Variants in ARHGEF10L observed in about 807,000 individuals in gnomAD.
ARHGEF10L encodes rho guanine nucleotide exchange factor 10-like protein.
ARHGEF10L carries 69 observed loss-of-function variants against 141.2 expected under a neutral mutation model. The observed-to-expected ratio is 0.49, with a 90% CI of 0.40 to 0.60. The LOEUF (loss-of-function observed/expected upper bound fraction) is 0.60. ARHGEF10L is among the 20% of genes least tolerant of loss of function. The pLI is 0.00. For synonymous variants in ARHGEF10L, 711 were observed against 718.5 expected (o/e 0.99, Z 0.17); for missense variants, 1,482 against 1,734.3 (o/e 0.85, Z 2.58).
intron 1 of ARHGEF10L, among the ~76,000 whole-genome samples, chr1:17,553,570 C>T (rs183039256): frequency 2.3e-3 from 353 of 152,036 alleles, no homozygotes; most frequent in African/African-American, 8.2e-3. Context: ...TCGCTTGAGC[C>T]CTGGAGTTCA....
chr1:17,521,728 C>T, the ARHGEF10L span, among the ~76,000 whole-genome samples: 1 of 152,130 alleles, frequency 6.6e-6, no homozygotes, highest in African/African-American at 2.4e-5. Flanking sequence ...GAGCTTTGAA[C>T]CCAGGGAGTG....
chr1:17,527,310 G>A, the ARHGEF10L span, among the ~76,000 whole-genome samples: 1 of 152,214 alleles, frequency 6.6e-6, no homozygotes, highest in South Asian at 2.1e-4. Context: ...TTGTAGGTCA[G>A]CATGAGATCT....
rs2060206093 is a variant in ARHGEF10L at position 17,623,324 on chromosome 1, A to G, written c.1200+149A>G. ...AGGGTGGCAGGGTCTTCTGGGCCTG[A>G]TCTAGGGGTGAGTGTGACACCTTGA... On this transcript the variant is annotated intron_variant, in intron 12 of 28. Coordinates refer to ENST00000361221, the MANE Select transcript of ARHGEF10L (RefSeq NM_018125.4). The surrounding 1 kb of genome is among the most constrained non-coding windows in gnomAD (Gnocchi z 4.7). 1 of 949,170 alleles carries G rather than the reference A, an allele frequency of 1.1e-6. No individual in the cohort carries two copies. Among genetic ancestry groups the G allele is most frequent in the Non-Finnish European group, 1.5e-6 (1 of 645,748 alleles). 58.8% of individuals were successfully genotyped at this position (949,170 alleles called of 1,614,324 possible).
intron 27 of ARHGEF10L, chr1:17,694,648 C>T (rs538091633): frequency 6.5e-5 from 21 of 325,072 alleles, no homozygotes; most frequent in South Asian, 2.8e-4. Flanking sequence ...AGCACCCACA[C>T]GGGCAGGCCC....
chr1:17,557,582 AAGC>A (rs2100793100), intron 1 of ARHGEF10L, among the ~76,000 whole-genome samples: 1 of 152,198 alleles, frequency 6.6e-6, no homozygotes, highest in East Asian at 1.9e-4. Context: ...AGAGATTCTG[AAGC>A]AGCAGATCTC....
At position 17,687,763 on chromosome 1, in the gene ARHGEF10L, G is replaced by T; in HGVS notation, c.3184+16G>T. 6.4e-7 allele frequency: 1 copy of T among 1,559,468 alleles called. No homozygotes were observed. The highest frequency in any genetic ancestry group is 8.7e-7 in the Non-Finnish European group (1 of 1,150,954). Reference sequence around the variant, plus strand: ...CTCCTGCCAGGTGAGGCTGCCTCGGGCACGGGGGAGCGGACAGTCACAGAG... The same window carrying T: ...CTCCTGCCAGGTGAGGCTGCCTCGGTCACGGGGGAGCGGACAGTCACAGAG... On this transcript the variant is annotated intron_variant, in intron 27 of 28. Coordinates refer to ENST00000361221, the MANE Select transcript of ARHGEF10L (RefSeq NM_018125.4).
intron 7 of ARHGEF10L, among the ~76,000 whole-genome samples, chr1:17,609,747 G>A (rs1570882224): frequency 6.6e-6 from 1 of 152,166 alleles, no homozygotes; most frequent in African/African-American, 2.4e-5. Context: ...AGTTGGAGCT[G>A]GGCTTAGGAG....
intron 8 of ARHGEF10L, among the ~76,000 whole-genome samples, chr1:17,614,102 G>T (rs1211012472): frequency 6.6e-6 from 1 of 152,230 alleles, no homozygotes; most frequent in Non-Finnish European, 1.5e-5. Context: ...CCACAGCAGT[G>T]GTTCACGACA....
rs1324237901 is a variant in ARHGEF10L at position 17,623,335 on chromosome 1, A to G, written c.1200+160A>G. On this transcript the variant is annotated intron_variant, in intron 12 of 28. Transcript: ENST00000361221. The surrounding 1 kb of genome is among the most constrained non-coding windows in gnomAD (Gnocchi z 4.7). ...GTCTTCTGGGCCTGATCTAGGGGTG[A>G]GTGTGACACCTTGAAGTGGCCAGGA... Among the ~76,000 whole-genome samples, 1 of 152,072 alleles carries G rather than the reference A, an allele frequency of 6.6e-6. No homozygotes were observed. The highest frequency in any genetic ancestry group is 1.5e-5 in the Non-Finnish European group (1 of 68,010).
chr1:17,541,088 G>C (rs956388314), intron 1 of ARHGEF10L, among the ~76,000 whole-genome samples: 1 of 152,174 alleles, frequency 6.6e-6, no homozygotes, highest in African/African-American at 2.4e-5. Context: ...TGTAAGGAAG[G>C]CTTCCTGGGG....
chr1:17,581,737 C>T lies in ARHGEF10L; in HGVS notation c.37+1105C>T, dbSNP rs113838099. ...TTGCAAGGTTTAAATATATGTCAGG[C>T]GTGGGCATGGGGTAATCAATTGCTC... is the stretch of plus-strand genomic sequence containing the variant. On this transcript the variant is annotated intron_variant, in intron 2 of 28. Coordinates refer to ENST00000361221, the MANE Select transcript of ARHGEF10L (RefSeq NM_018125.4). Among the ~76,000 whole-genome samples, 13 of 152,154 alleles carry T rather than the reference C, an allele frequency of 8.5e-5. No homozygotes were observed. The South Asian group carries it at 1.2e-3, about 15-fold the overall frequency.
At chr1:17,608,023 C>T (rs939523503) in intron 7 of ARHGEF10L, 46 bp downstream of exon 7, 13 of 1,367,484 alleles carry the variant, frequency 9.5e-6, no homozygotes, top group Non-Finnish European at 1.2e-5. Context: ...GGCACGGAGA[C>T]CCCTTCAGGG....
chr1:17,564,537 G>T (rs930047698), intron 1 of ARHGEF10L, among the ~76,000 whole-genome samples: 4 of 152,172 alleles, frequency 2.6e-5, no homozygotes, highest in Admixed American at 1.3e-4. Flanking sequence ...CTGGTGGCTG[G>T]CTCGTGGCTG....
At chr1:17,687,455 C>T (rs1194524808) in intron 26 of ARHGEF10L, 118 bp from the exon 27 acceptor site, 6 of 1,158,612 alleles carry the variant, frequency 5.2e-6, no homozygotes, top group Non-Finnish European at 7.3e-6. Context: ...TTCTAATGTT[C>T]CCTGAGTAGC....
At chr1:17,678,113 GCAGGCA>G (rs2063841055) in intron 26 of ARHGEF10L, among the ~76,000 whole-genome samples, 1 of 152,134 alleles carries the variant, frequency 6.6e-6, no homozygotes. Flanking sequence ...AGGGTGGTGG[GCAGGCA>G]CAGGCACTAG....
intron 25 of ARHGEF10L, among the ~76,000 whole-genome samples, chr1:17,658,856 G>A (rs2062435847): frequency 6.6e-6 from 1 of 152,158 alleles, no homozygotes; most frequent in Non-Finnish European, 1.5e-5. Flanking sequence ...CTGAGGAGGG[G>A]GATCCTGGGG....
At position 17,661,266 on chromosome 1, in the gene ARHGEF10L, A is replaced by AG. The variant is rs1460583835; in HGVS notation, c.2861-3177dup. Among the ~76,000 whole-genome samples, 9 of 152,252 alleles carry AG rather than the reference A, an allele frequency of 5.9e-5. No individual in the cohort carries two copies. The East Asian group carries it at 1.7e-3, about 29-fold the overall frequency. ...CTAATTTTTGTATTTTTAATAGAGA[A>AG]GGGGTTTCACCATGTTGGCTAGGCT... On this transcript the variant is annotated intron_variant, in intron 25 of 28. Transcript: ENST00000361221.
At position 17,697,192 on chromosome 1, in the gene ARHGEF10L, G is replaced by C; in HGVS notation, c.3652G>C (p.Asp1218His). ...CATTTACGAGATGGCCGACGACCCCGACATCTGGGTGCGCAGCCGGCCCTG... is the reference window on the plus strand; with the variant it reads ...CATTTACGAGATGGCCGACGACCCCCACATCTGGGTGCGCAGCCGGCCCTG... ...GSIYEMADDP[D>H]IWVRSRPCAR... The change falls in exon 29 of 29, where the codon GAC becomes CAC. Residue 1218 changes from aspartate to histidine, a missense_variant. Asp to His is a moderately conservative substitution (Grantham distance 81, BLOSUM62 -1). Transcript: ENST00000361221. This position sits in a 1 kb window ranked among gnomAD's most constrained non-coding sequence, Gnocchi z 4.8. The C allele has an allele frequency of 6.2e-7, 1 of 1,612,112 alleles. No individual in the cohort carries two copies. The highest frequency in any genetic ancestry group is 8.5e-7 in the Non-Finnish European group (1 of 1,179,492).
In ARHGEF10L at chr1:17,656,784, GA is replaced by G; in HGVS notation, c.2860+77del. On this transcript the variant is annotated intron_variant, in intron 25 of 28. Transcript: ENST00000361221. This position sits in a 1 kb window ranked among gnomAD's most constrained non-coding sequence, Gnocchi z 4.9. ...GGTGCCAGATTCTCTACCAAGAGAG[GA>G]TACAGGAGGCTGGGCAGGAATGAAT... 1.3e-6 allele frequency: 2 copies of G among 1,505,400 alleles called. No homozygotes were observed. Among genetic ancestry groups the G allele is most frequent in the Non-Finnish European group, 1.8e-6 (2 of 1,112,456 alleles). The allele number at this position is 1,505,400 out of a possible 1,614,324, so 93.3% of individuals were successfully genotyped here.
Sources: gnomAD v4.1 joint callset for allele counts (sites outside exome capture counted in the v4.1 genomes callset) on GRCh38, gnomAD v4.1.1 for gene constraint, Gnocchi (gnomAD v3.1) non-coding constraint, MANE v1.5 for transcripts, NCBI Gene and HGNC (gene_info 2026-07-23, HGNC 2026-07-21) for gene names.